SLC30A8: variants seen among roughly 807,000 people sequenced by gnomAD.
SLC30A8 encodes the protein proton-coupled zinc antiporter SLC30A8.
SLC30A8 carries 27 observed loss-of-function variants against 36.9 expected under a neutral mutation model. The ratio of observed to expected loss-of-function variants is 0.73; its 90% CI spans 0.54 to 1.01. The LOEUF is 1.01. Among genes scored for constraint, SLC30A8 ranks in the 50% least tolerant of loss-of-function variants. The probability of loss-of-function intolerance (pLI) is 0.00; values close to 1 mark genes in which losing one functional copy is unlikely to be tolerated. For synonymous variants in SLC30A8, 164 were observed against 172.4 expected (o/e 0.95, Z 0.38); for missense variants, 439 against 452.0 (o/e 0.97, Z 0.26).
At chr8:116,994,560 C>T (rs1260780333) in intron 1 of SLC30A8, among the ~76,000 whole-genome samples, 6 of 152,090 alleles carry the variant, frequency 3.9e-5, no homozygotes, top group Non-Finnish European at 5.9e-5. Context: ...TCTATTTGCT[C>T]ATGTTAAGAA....
intron 2 of SLC30A8, chr8:117,128,447 G>C (rs1356546614): frequency 1.3e-5 from 2 of 151,446 alleles, no homozygotes; most frequent in Non-Finnish European, 2.9e-5. Flanking sequence ...GTGTGTGCTT[G>C]TGTGTGCGCA....
intron 2 of SLC30A8, among the ~76,000 whole-genome samples, chr8:117,049,684 A>T (rs533451571): frequency 6.6e-6 from 1 of 152,190 alleles, no homozygotes; most frequent in Admixed American, 6.5e-5. Context: ...CACCAAATAA[A>T]TCCTTTGAAT....
At chr8:117,161,960 TAACTTA>T in intron 5 of SLC30A8, 72 bp downstream of exon 5, 1 of 1,370,110 alleles carries the variant, frequency 7.3e-7, no homozygotes, top group Non-Finnish European at 1.0e-6. Flanking sequence ...CCTCCAACAT[TAACTTA>T]AAGAGAATGG....
intron 1 of SLC30A8, among the ~76,000 whole-genome samples, chr8:116,989,751 T>C (rs1340654720): frequency 6.6e-6 from 1 of 152,220 alleles, no homozygotes; most frequent in Non-Finnish European, 1.5e-5. Context: ...TTTCAGTCTC[T>C]ACTCTGAGGA....
At chr8:117,155,395 C>A (rs1239062508) in intron 3 of SLC30A8, among the ~76,000 whole-genome samples, 1 of 152,154 alleles carries the variant, frequency 6.6e-6, no homozygotes, top group Non-Finnish European at 1.5e-5. Context: ...ACTCAACCTC[C>A]ATTTCCGGCT....
upstream of SLC30A8, chr8:116,950,700 T>C (rs1294799899): frequency 1.3e-5 from 2 of 152,262 alleles, no homozygotes; most frequent in African/African-American, 4.8e-5. Context: ...TCTAAACTTC[T>C]GCAGGATTCA....
chr8:117,019,773 A>T (rs1816643420), intron 1 of SLC30A8, among the ~76,000 whole-genome samples: 1 of 152,200 alleles, frequency 6.6e-6, no homozygotes, highest in Non-Finnish European at 1.5e-5. Flanking sequence ...TAGACAGAGG[A>T]AACAATGCAA....
At chr8:116,957,791 A>C (rs1814268473) in intron 1 of SLC30A8, among the ~76,000 whole-genome samples, 1 of 152,122 alleles carries the variant, frequency 6.6e-6, no homozygotes, top group Non-Finnish European at 1.5e-5. Flanking sequence ...TGACATGCTG[A>C]TTTTGGGTGA....
chr8:117,166,218 AACAGCACTGCATGTCCCAT>A (rs1477847270), intron 6 of SLC30A8, among the ~76,000 whole-genome samples: 2 of 152,196 alleles, frequency 1.3e-5, no homozygotes, highest in Non-Finnish European at 2.9e-5. Flanking sequence ...TCTGTATGGC[AACAGCACTGCATGTCCCAT>A]ACATATGTAC....
chr8:116,969,389 T>C (rs960539830), intron 1 of SLC30A8, among the ~76,000 whole-genome samples: 3 of 152,170 alleles, frequency 2.0e-5, no homozygotes, highest in Non-Finnish European at 2.9e-5. Flanking sequence ...CTGCACAAAC[T>C]TGGGCAAGTT....
chr8:117,113,791 C>T (rs1820330384), intron 2 of SLC30A8, among the ~76,000 whole-genome samples: 1 of 152,102 alleles, frequency 6.6e-6, no homozygotes, highest in Non-Finnish European at 1.5e-5. Flanking sequence ...TGGGGTATGG[C>T]ATGCTTGGTT....
At chr8:117,115,469 C>T (rs1170925443) in intron 2 of SLC30A8, among the ~76,000 whole-genome samples, 5 of 152,078 alleles carry the variant, frequency 3.3e-5, no homozygotes, top group Non-Finnish European at 5.9e-5. Flanking sequence ...GCAATTTCTT[C>T]ACCAATTTTG....
intron 2 of SLC30A8, among the ~76,000 whole-genome samples, chr8:117,068,446 G>A (rs529297834): frequency 2.6e-5 from 4 of 152,282 alleles, no homozygotes; most frequent in Admixed American, 6.5e-5. Flanking sequence ...ACACTGGCAC[G>A]GTGTGCTCTG....
intron 1 of SLC30A8, among the ~76,000 whole-genome samples, chr8:117,009,690 A>G (rs1265275401): frequency 6.6e-6 from 1 of 152,356 alleles, no homozygotes; most frequent in South Asian, 2.1e-4. Flanking sequence ...CAGGCTGTTT[A>G]TCAAACAGTT....
At chr8:117,073,866 C>T (rs1397649058) in intron 2 of SLC30A8, among the ~76,000 whole-genome samples, 2 of 152,020 alleles carry the variant, frequency 1.3e-5, no homozygotes, top group Non-Finnish European at 2.9e-5. Context: ...TCCCCGTCAG[C>T]CCTCCACAAA....
intron 2 of SLC30A8, among the ~76,000 whole-genome samples, chr8:117,068,780 C>T (rs1381082288): frequency 1.2e-4 from 18 of 152,040 alleles, no homozygotes; most frequent in African/African-American, 4.3e-4. Flanking sequence ...TTTCACTATG[C>T]TGGCCAGGCT....
chr8:116,954,022 G>GT (rs1290893720), intron 1 of SLC30A8, among the ~76,000 whole-genome samples: 3 of 145,548 alleles, frequency 2.1e-5, no homozygotes, highest in Non-Finnish European at 4.4e-5. Flanking sequence ...GAGTAGGGTG[G>GT]TGTTAGTGAG....
chr8:117,102,772 A>G (rs2130861139), intron 2 of SLC30A8, among the ~76,000 whole-genome samples: 1 of 152,236 alleles, frequency 6.6e-6, no homozygotes, highest in South Asian at 2.1e-4. Flanking sequence ...CTCTTCTCAT[A>G]AGCACACCAA....
At chr8:117,055,460 G>A (rs1172572119) in intron 2 of SLC30A8, among the ~76,000 whole-genome samples, 1 of 152,160 alleles carries the variant, frequency 6.6e-6, no homozygotes, top group Non-Finnish European at 1.5e-5. Context: ...ATGACTTCAC[G>A]TATCAACAAC....
Sources: gnomAD v4.1 joint callset for allele counts (sites outside exome capture counted in the v4.1 genomes callset) on GRCh38, gnomAD v4.1.1 for gene constraint, MANE v1.5 for transcripts, NCBI Gene and HGNC (gene_info 2026-07-23, HGNC 2026-07-21) for gene names.